Variants in ANKS1B observed in about 807,000 individuals in gnomAD.
ANKS1B encodes the protein ankyrin repeat and sterile alpha motif domain containing 1B.
Under a neutral mutation model 148.3 loss-of-function variants are expected in ANKS1B, and 36 were observed. The ratio of observed to expected loss-of-function variants is 0.24; its 90% CI spans 0.19 to 0.32. The LOEUF (loss-of-function observed/expected upper bound fraction) is 0.32. ANKS1B is among the 10% of genes least tolerant of loss of function. ANKS1B has a pLI of 1.00. For missense variants in ANKS1B, 1,157 were observed against 1,542.6 expected, an observed-to-expected ratio of 0.75 and a Z score of 4.19; for synonymous variants, 542 against 560.8, an observed-to-expected ratio of 0.97 and a Z score of 0.47.
intron 14 of ANKS1B, among the ~76,000 whole-genome samples, chr12:99,241,383 T>C (rs192567350): frequency 3.5e-4 from 53 of 152,042 alleles, no homozygotes; most frequent in Admixed American, 1.6e-3. Flanking sequence ...CAATAACAGG[T>C]TCTGAAATTG....
intron 20 of ANKS1B, among the ~76,000 whole-genome samples, chr12:98,803,714 G>C (rs2099025626): frequency 6.6e-6 from 1 of 152,160 alleles, no homozygotes; most frequent in Admixed American, 6.5e-5. Flanking sequence ...CAGGGCTGGG[G>C]GTGGGAATGA....
At chr12:99,501,852 C>A (rs1435827894) in intron 10 of ANKS1B, among the ~76,000 whole-genome samples, 1 of 152,164 alleles carries the variant, frequency 6.6e-6, no homozygotes, top group Non-Finnish European at 1.5e-5. Flanking sequence ...TACTAACCAA[C>A]TAATAAAAAG....
chr12:99,021,300 C>G (rs933767345), intron 17 of ANKS1B, among the ~76,000 whole-genome samples: 2 of 151,982 alleles, frequency 1.3e-5, no homozygotes, highest in Non-Finnish European at 2.9e-5. Context: ...TTTAGCAAAT[C>G]TTACTGCCAT....
chr12:99,396,257 A>C (rs2094239847), intron 12 of ANKS1B, among the ~76,000 whole-genome samples: 1 of 152,186 alleles, frequency 6.6e-6, no homozygotes, highest in Non-Finnish European at 1.5e-5. Context: ...ATATCTAGCA[A>C]ATCAGTGATG....
intron 17 of ANKS1B, among the ~76,000 whole-genome samples, chr12:98,938,354 A>G (rs1437026047): frequency 6.6e-6 from 1 of 152,182 alleles, no homozygotes; most frequent in Non-Finnish European, 1.5e-5. Flanking sequence ...TGACACCTGT[A>G]GACACTGGTT....
chr12:99,760,650 C>A (rs1198739877), intron 8 of ANKS1B, among the ~76,000 whole-genome samples: 3 of 151,200 alleles, frequency 2.0e-5, no homozygotes, highest in Non-Finnish European at 4.4e-5. Context: ...ACTAGAAAAA[C>A]AAGAACAAAT....
At chr12:99,685,966 T>C (rs948652456) in intron 8 of ANKS1B, among the ~76,000 whole-genome samples, 1 of 151,986 alleles carries the variant, frequency 6.6e-6, no homozygotes, top group African/African-American at 2.4e-5. Flanking sequence ...ACAATGGACT[T>C]TGGGGACTCC....
intron 1 of ANKS1B, among the ~76,000 whole-genome samples, chr12:99,873,372 C>T (rs2153730335): frequency 6.6e-6 from 1 of 152,238 alleles, no homozygotes; most frequent in Non-Finnish European, 1.5e-5. Flanking sequence ...AAGAAGAATA[C>T]ATTTTTCTCC....
At chr12:99,573,440 G>T (rs530135775) in intron 9 of ANKS1B, among the ~76,000 whole-genome samples, 2 of 151,914 alleles carry the variant, frequency 1.3e-5, no homozygotes, top group African/African-American at 4.8e-5. Flanking sequence ...TTCAAAAAAT[G>T]AATGTTTTAT....
chr12:99,562,052 A>G (rs2153200247), intron 9 of ANKS1B, among the ~76,000 whole-genome samples: 1 of 152,362 alleles, frequency 6.6e-6, no homozygotes, highest in East Asian at 1.9e-4. Flanking sequence ...ACACATAAAA[A>G]CAACACTAAT....
chr12:98,817,905 TG>T (rs1164408614), intron 19 of ANKS1B, among the ~76,000 whole-genome samples: 2 of 152,166 alleles, frequency 1.3e-5, no homozygotes, highest in Admixed American at 6.5e-5. Context: ...TATCACCTGC[TG>T]GGAAGGAAAA....
chr12:99,091,893 T>C (rs1360668453), intron 15 of ANKS1B, among the ~76,000 whole-genome samples: 1 of 152,164 alleles, frequency 6.6e-6, no homozygotes, highest in Non-Finnish European at 1.5e-5. Context: ...ATGCAGGAGA[T>C]AAAAGGTTGA....
intron 2 of ANKS1B, among the ~76,000 whole-genome samples, chr12:99,813,304 T>C (rs911160742): frequency 6.6e-5 from 10 of 151,620 alleles, no homozygotes; most frequent in Non-Finnish European, 1.5e-4. Context: ...TAAACAAAAC[T>C]GTATTTTCAT....
chr12:99,984,859 G>T lies in ANKS1B; in HGVS notation c.-622C>A, dbSNP rs898388298. ...GGCGCGTGCCGAGGGCGGCGGCGGC[G>T]GCGAGGCCTGGCGCGCGGGGGGCGT... On this transcript the variant is annotated 5_prime_UTR_variant, in exon 1 of 27. Coordinates refer to ENST00000683438, the MANE Select transcript of ANKS1B (RefSeq NM_001352186.2). Among the ~76,000 whole-genome samples the T allele has an allele frequency of 6.8e-6, 1 of 146,930 alleles. No homozygotes were observed. Among genetic ancestry groups the T allele is most frequent in the African/African-American group, 2.4e-5 (1 of 40,936 alleles).
At chr12:99,951,948 T>C (rs1296827097) in intron 1 of ANKS1B, among the ~76,000 whole-genome samples, 1 of 152,154 alleles carries the variant, frequency 6.6e-6, no homozygotes, top group Admixed American at 6.5e-5. Flanking sequence ...CATGTTTTCA[T>C]GATAATCACA....
At chr12:99,813,662 T>C (rs571061913) in intron 2 of ANKS1B, among the ~76,000 whole-genome samples, 1 of 151,664 alleles carries the variant, frequency 6.6e-6, no homozygotes, top group African/African-American at 2.4e-5. Context: ...TTTGACTTAA[T>C]TGCTAAATGT....
At chr12:99,548,951 T>TA (rs1166774923) in intron 9 of ANKS1B, among the ~76,000 whole-genome samples, 1 of 151,960 alleles carries the variant, frequency 6.6e-6, no homozygotes, top group Non-Finnish European at 1.5e-5. Context: ...TAATTACAAC[T>TA]ATGATTAATG....
chr12:99,926,286 A>G (rs1291057897), intron 1 of ANKS1B, among the ~76,000 whole-genome samples: 3 of 152,232 alleles, frequency 2.0e-5, no homozygotes, highest in East Asian at 1.9e-4. Context: ...GGTTAATTTT[A>G]TCTGTCAATT....
intron 14 of ANKS1B, among the ~76,000 whole-genome samples, chr12:99,226,433 T>C (rs1211918362): frequency 5.3e-5 from 8 of 152,182 alleles, no homozygotes; most frequent in African/African-American, 1.7e-4. Flanking sequence ...AAAGAGATAA[T>C]AGTGGAATTT....
Sources: allele counts gnomAD v4.1 joint callset (sites outside exome capture counted in the v4.1 genomes callset), GRCh38; gene constraint gnomAD v4.1.1; transcripts MANE v1.5; gene names NCBI Gene and HGNC (gene_info 2026-07-23, HGNC 2026-07-21).